SIM2: variants seen among roughly 807,000 people sequenced by gnomAD.
The protein encoded by SIM2 is single-minded homolog 2.
A neutral mutation model predicts 64.8 loss-of-function variants in SIM2; 28 were observed. The observed-to-expected ratio is 0.43, with a 90% confidence interval of 0.32 to 0.59. The LOEUF is 0.59. SIM2 is among the 20% of genes least tolerant of loss of function. SIM2 has a pLI of 0.07. For synonymous variants in SIM2, 408 were observed against 391.1 expected, an observed-to-expected ratio of 1.04 and a Z score of -0.51; for missense variants, 847 against 871.4, an observed-to-expected ratio of 0.97 and a Z score of 0.35.
At chr21:36,739,519 G>A (rs949253084) in intron 7 of SIM2, among the ~76,000 whole-genome samples, 1 of 151,960 alleles carries the variant, frequency 6.6e-6, no homozygotes, top group Non-Finnish European at 1.5e-5. Flanking sequence ...TTTCCCTACC[G>A]TTGAAGAGTT....
intron 4 of SIM2, among the ~76,000 whole-genome samples, chr21:36,722,441 C>T (rs992202825): frequency 6.6e-6 from 1 of 152,166 alleles, no homozygotes; most frequent in Admixed American, 6.5e-5. Flanking sequence ...AGTGACCTCG[C>T]CCTCCCTTAG....
In SIM2 at chr21:36,719,144, C is replaced by A. The variant is rs567526425; in HGVS notation, c.349-677C>A. Among the ~76,000 whole-genome samples the A allele has an allele frequency of 8.5e-5, 13 of 152,346 alleles. No individual in the cohort carries two copies. The South Asian group carries it at 2.5e-3, about 29-fold the overall frequency. On this transcript the variant is annotated intron_variant, in intron 3 of 10. Transcript: ENST00000290399. ...CAGGCCCAGACCCTCCCGCAGGGCA[C>A]GCACAGCCCCAGCCACACCCCTGGG...
chr21:36,704,435 T>C (rs2088550252), intron 1 of SIM2, among the ~76,000 whole-genome samples: 1 of 152,264 alleles, frequency 6.6e-6, no homozygotes, highest in Non-Finnish European at 1.5e-5. Context: ...CCTGCCAGGC[T>C]GCAGCTGGGG....
chr21:36,714,723 G>A (rs2088721984), intron 3 of SIM2, among the ~76,000 whole-genome samples: 1 of 152,168 alleles, frequency 6.6e-6, no homozygotes, highest in Admixed American at 6.5e-5. Context: ...ATTCAGTCAG[G>A]CCGTCCAAGT....
rs1225627548 is a variant in SIM2, at chr21:36,745,604, T to G, written c.1576+468T>G. Reference sequence around the variant, plus strand: ...AAAACTATGGTGGAAATTTGTGGGCTTGGGGACAGAAATGCCACTCACCAA... The same window carrying G: ...AAAACTATGGTGGAAATTTGTGGGCGTGGGGACAGAAATGCCACTCACCAA... On this transcript the variant is annotated intron_variant, in intron 10 of 10. Transcript: ENST00000290399. The surrounding 1 kb of genome is among the most constrained non-coding windows in gnomAD (Gnocchi z 4.8). 8.9e-7 allele frequency: 1 copy of G among 1,127,108 alleles called. No individual in the cohort carries two copies. Among genetic ancestry groups the G allele is most frequent in the Non-Finnish European group, 1.1e-6 (1 of 905,926 alleles). The allele number at this position is 1,127,108 out of a possible 1,614,324, so 69.8% of individuals were successfully genotyped here. A position where few individuals can be genotyped will look rare whatever the true frequency, so the allele number is the denominator to read the frequency against.
chr21:36,719,307 G>A (rs554966132), intron 3 of SIM2, among the ~76,000 whole-genome samples: 1 of 152,386 alleles, frequency 6.6e-6, no homozygotes, highest in East Asian at 1.9e-4. Flanking sequence ...CTGAGTTCAT[G>A]TCCTCCTCGG....
chr21:36,725,821 A>G (rs976079612), intron 5 of SIM2, among the ~76,000 whole-genome samples: 4 of 152,168 alleles, frequency 2.6e-5, no homozygotes, highest in African/African-American at 7.2e-5. Flanking sequence ...GGGTTTCGCC[A>G]TGTCACCAAG....
At chr21:36,746,861 T>G (rs534813455) in intron 10 of SIM2, among the ~76,000 whole-genome samples, 2 of 152,340 alleles carry the variant, frequency 1.3e-5, no homozygotes, top group Admixed American at 1.3e-4. Context: ...TGCTGTCACA[T>G]GGTATTTGAC....
intron 5 of SIM2, among the ~76,000 whole-genome samples, chr21:36,723,845 C>T (rs1306909714): frequency 6.6e-6 from 1 of 152,168 alleles, no homozygotes; most frequent in Non-Finnish European, 1.5e-5. Context: ...GAGTCAGCCG[C>T]CCCCCAGGGA....
chr21:36,735,026 G>A, intron 7 of SIM2, among the ~76,000 whole-genome samples: 1 of 152,214 alleles, frequency 6.6e-6, no homozygotes, highest in Admixed American at 6.5e-5. Context: ...AAGAGAAGGA[G>A]CCACAAAGGG....
rs1222595921 is a variant in SIM2 at position 36,741,868 on chromosome 21, A to G, written c.998+4A>G. On this transcript the variant is annotated splice_donor_region_variant and intron_variant, in intron 8 of 10. Coordinates refer to ENST00000290399, the MANE Select transcript of SIM2 (RefSeq NM_005069.6). Reference sequence around the variant, plus strand: ...TGAGTGTCAATTATGTACTCACGTAAGTCACACGTATTTGTTTCTCTCCTT... The same window carrying G: ...TGAGTGTCAATTATGTACTCACGTAGGTCACACGTATTTGTTTCTCTCCTT... 1 of 1,569,086 alleles carries G rather than the reference A, an allele frequency of 6.4e-7. No homozygotes were observed. The highest frequency in any genetic ancestry group is 1.9e-5 in the Admixed American group (1 of 53,978).
chr21:36,729,611 C>T (rs2088938759), intron 6 of SIM2, among the ~76,000 whole-genome samples: 1 of 152,176 alleles, frequency 6.6e-6, no homozygotes, highest in African/African-American at 2.4e-5. Flanking sequence ...GCAAGGAGGG[C>T]CCCCAGCCCC....
In SIM2 at chr21:36,748,848, A is replaced by G. The variant is rs758077224; in HGVS notation, c.*756A>G. On this transcript the variant is annotated 3_prime_UTR_variant, in exon 11 of 11. Coordinates refer to ENST00000290399, the MANE Select transcript of SIM2 (RefSeq NM_005069.6). ...GAATAGGCATTAAATGCAAAAATAT[A>G]TATGTAGCCAGACAGTTTATGAGAA... is the stretch of plus-strand genomic sequence containing the variant. 1 of 152,648 alleles carries G rather than the reference A, an allele frequency of 6.6e-6. No homozygotes were observed. The allele number at this position is 152,648 out of a possible 1,614,324, so 9.5% of individuals were successfully genotyped here. A position where few individuals can be genotyped will look rare whatever the true frequency, so the allele number is the denominator to read the frequency against.
Position 36,743,463 on chromosome 21 carries a change from G to A in SIM2, c.1075G>A (p.Ala359Thr), listed in dbSNP as rs893870730. The A allele has an allele frequency of 2.8e-5, 45 of 1,614,060 alleles. No individual in the cohort carries two copies. Among genetic ancestry groups the A allele is most frequent in the Non-Finnish European group, 3.3e-5 (39 of 1,179,952 alleles). Residue 359 changes from alanine to threonine, a missense_variant, in exon 9 of 11, where the codon GCC (alanine) becomes ACC (threonine). Coordinates refer to ENST00000290399, the MANE Select transcript of SIM2 (RefSeq NM_005069.6). ...CAAGTCCCAGGACTCCTGGAGGACCGCCTTGTCTACCTCACAAGAAACTAG... is the reference window on the plus strand; with the variant it reads ...CAAGTCCCAGGACTCCTGGAGGACCACCTTGTCTACCTCACAAGAAACTAG... Reference protein sequence around the residue: ...TAKSQDSWRTALSTSQETRKL... With the variant: ...TAKSQDSWRTTLSTSQETRKL...
At chr21:36,744,681 C>T in intron 9 of SIM2, 47 bp from the exon 10 acceptor site, 1 of 1,514,532 alleles carries the variant, frequency 6.6e-7, no homozygotes, top group Non-Finnish European at 8.9e-7. Flanking sequence ...AAGGCAGCTT[C>T]CTGCCGGCCC....
At chr21:36,723,229 G>A (rs1026354456) in intron 5 of SIM2, 99 bp downstream of exon 5, 47 of 928,680 alleles carry the variant, frequency 5.1e-5, no homozygotes, top group East Asian at 1.4e-4. Flanking sequence ...GCACAAACTC[G>A]TCATCCCCAC....
rs1220396171 is a variant in SIM2, at chr21:36,726,844, G to T, written c.743+526G>T. 1.3e-5 allele frequency among the ~76,000 whole-genome samples: 2 copies of T among 152,150 alleles called. No individual in the cohort carries two copies. Among genetic ancestry groups the T allele is most frequent in the African/African-American group, 4.8e-5 (2 of 41,438 alleles). On this transcript the variant is annotated intron_variant, in intron 6 of 10. Transcript: ENST00000290399. The surrounding 1 kb of genome is among the most constrained non-coding windows in gnomAD (Gnocchi z 4.5). ...GGGGGATGCTCTTCCCACAGCTCAT[G>T]GGTGCCCTGTCTACATCTGGGCTGG...
At chr21:36,716,116 A>G (rs191786661) in intron 3 of SIM2, among the ~76,000 whole-genome samples, 3 of 152,342 alleles carry the variant, frequency 2.0e-5, no homozygotes, top group African/African-American at 4.8e-5. Context: ...ACAAGTTTCT[A>G]TCTACGTGGA....
chr21:36,728,351 A>C (rs2088920358), intron 6 of SIM2, among the ~76,000 whole-genome samples: 1 of 152,168 alleles, frequency 6.6e-6, no homozygotes, highest in African/African-American at 2.4e-5. Context: ...GAGAGACCTG[A>C]GGGCTTTTCA....
Sources: gnomAD v4.1 joint callset for allele counts (sites outside exome capture counted in the v4.1 genomes callset) on GRCh38, gnomAD v4.1.1 for gene constraint, Gnocchi (gnomAD v3.1) non-coding constraint, MANE v1.5 for transcripts, NCBI Gene and HGNC (gene_info 2026-07-23, HGNC 2026-07-21) for gene names.